LCORL: variants seen among roughly 807,000 people sequenced by gnomAD.
The protein encoded by LCORL is ligand-dependent nuclear receptor corepressor-like protein.
In LCORL, 41 loss-of-function variants were observed where a neutral mutation model predicts 141.8. The ratio of observed to expected loss-of-function variants is 0.29; its 90% CI spans 0.23 to 0.38. The LOEUF (loss-of-function observed/expected upper bound fraction) is 0.38, where lower values mean the gene tolerates loss of function less well. Ranked by LOEUF, LCORL falls within the 10% of genes least tolerant of loss-of-function variation. The probability of loss-of-function intolerance (pLI) is 1.00; values close to 1 mark genes in which losing one functional copy is unlikely to be tolerated. For missense variants in LCORL, 1,759 were observed against 2,035.0 expected, an observed-to-expected ratio of 0.86 and a Z score of 2.61; for synonymous variants, 618 against 694.1, an observed-to-expected ratio of 0.89 and a Z score of 1.72.
intron 1 of LCORL, among the ~76,000 whole-genome samples, chr4:17,990,987 A>T (rs1719917623): frequency 6.6e-6 from 1 of 152,244 alleles, no homozygotes; most frequent in Non-Finnish European, 1.5e-5. Context: ...CTACCTTCAA[A>T]AAAATAAAAA....
At chr4:18,009,798 C>G (rs941168850) in intron 1 of LCORL, among the ~76,000 whole-genome samples, 1 of 151,794 alleles carries the variant, frequency 6.6e-6, no homozygotes, top group Non-Finnish European at 1.5e-5. Flanking sequence ...CCTTAGCATG[C>G]CTTCCAATGG....
chr4:17,916,705 C>T (rs112105151), intron 4 of LCORL, among the ~76,000 whole-genome samples: 1,469 of 142,916 alleles, frequency 0.01, 16 homozygotes, highest in Non-Finnish European at 0.014. Flanking sequence ...AGTGCAGAGG[C>T]ATGATCTTGG....
intron 7 of LCORL, chr4:17,867,091 A>G (rs1725763909): frequency 1.8e-5 from 7 of 398,540 alleles, no homozygotes; most frequent in Non-Finnish European, 2.4e-5. Context: ...CCCCAGCACC[A>G]CTCTGCTGGA....
intron 4 of LCORL, among the ~76,000 whole-genome samples, chr4:17,939,699 A>C (rs1447650749): frequency 6.6e-6 from 1 of 152,074 alleles, no homozygotes; most frequent in Non-Finnish European, 1.5e-5. Flanking sequence ...TTTAAAAGCA[A>C]AGTAAGTTTA....
chr4:17,885,847 T>C (rs191964767), intron 6 of LCORL, among the ~76,000 whole-genome samples: 32 of 152,014 alleles, frequency 2.1e-4, no homozygotes, highest in Non-Finnish European at 3.1e-4. Context: ...TTTAGTAACA[T>C]GAACTAAAGT....
At chr4:17,956,459 C>A (rs892633637) in intron 4 of LCORL, among the ~76,000 whole-genome samples, 8 of 152,012 alleles carry the variant, frequency 5.3e-5, no homozygotes, top group Non-Finnish European at 1.2e-4. Context: ...TAATGGAATA[C>A]TATTCAGCCA....
At chr4:18,007,765 A>T (rs1193738953) in intron 1 of LCORL, among the ~76,000 whole-genome samples, 1 of 152,226 alleles carries the variant, frequency 6.6e-6, no homozygotes, top group South Asian at 2.1e-4. Flanking sequence ...GTAGGTCAGC[A>T]GAAACTCACT....
intron 4 of LCORL, chr4:17,912,765 A>C (rs1386127887): frequency 1.4e-5 from 6 of 418,694 alleles, no homozygotes; most frequent in Non-Finnish European, 2.3e-5. Flanking sequence ...GCAAAGAGGC[A>C]GCACCAGGCC....
At chr4:17,849,932 G>C (rs1187962474) in intron 7 of LCORL, among the ~76,000 whole-genome samples, 4 of 151,510 alleles carry the variant, frequency 2.6e-5, no homozygotes, top group Admixed American at 1.3e-4. Flanking sequence ...CCAAAACAGA[G>C]ATATAGATCA....
At chr4:17,971,571 G>A (rs1243164672) in intron 2 of LCORL, among the ~76,000 whole-genome samples, 1 of 151,148 alleles carries the variant, frequency 6.6e-6, no homozygotes, top group Admixed American at 6.6e-5. Context: ...ATACAGTGTA[G>A]TTATGTGTTT....
At chr4:18,013,351 C>T (rs558223437) in intron 1 of LCORL, among the ~76,000 whole-genome samples, 34 of 152,298 alleles carry the variant, frequency 2.2e-4, no homozygotes, top group Admixed American at 5.9e-4. Context: ...GATATACTGT[C>T]CCCTATTCCT....
intron 4 of LCORL, among the ~76,000 whole-genome samples, chr4:17,913,213 C>T (rs774637144): frequency 2.0e-5 from 3 of 152,162 alleles, no homozygotes; most frequent in Non-Finnish European, 4.4e-5. Flanking sequence ...TCTTGACGGA[C>T]GTTAGCTTAC....
At position 18,021,809 on chromosome 4, in the gene LCORL, G is replaced by A. The variant is rs1398480248; in HGVS notation, c.-58C>T. On this transcript the variant is annotated 5_prime_UTR_variant, in exon 1 of 8. Transcript: ENST00000635767. The surrounding 1 kb of genome is among the most constrained non-coding windows in gnomAD (Gnocchi z 5.5). ...ACGAGCAGCGCAGGCACGAGGCAGG[G>A]GCGCGAGCCCTCGGCGCGAGCCCCG... The A allele has an allele frequency of 1.5e-6, 2 of 1,313,716 alleles. No individual in the cohort carries two copies. Among genetic ancestry groups the A allele is most frequent in the East Asian group, 2.9e-5 (1 of 34,716 alleles). The allele number at this position is 1,313,716 out of a possible 1,614,324, so 81.4% of individuals were successfully genotyped here.
At chr4:17,956,840 A>C in intron 4 of LCORL, among the ~76,000 whole-genome samples, 1 of 152,122 alleles carries the variant, frequency 6.6e-6, no homozygotes, top group Non-Finnish European at 1.5e-5. Context: ...GATATTCTAA[A>C]TACCCCAATT....
intron 1 of LCORL, among the ~76,000 whole-genome samples, chr4:17,975,541 C>A (rs912628697): frequency 6.6e-6 from 1 of 152,020 alleles, no homozygotes; most frequent in Non-Finnish European, 1.5e-5. Context: ...GGACTAAAGG[C>A]ACATGCCATC....
chr4:17,964,862 T>C (rs1714556716), intron 2 of LCORL, among the ~76,000 whole-genome samples: 1 of 138,072 alleles, frequency 7.2e-6, no homozygotes, highest in African/African-American at 3.1e-5. Context: ...GAAATCTTAC[T>C]GCCCTTTTTT....
intron 1 of LCORL, among the ~76,000 whole-genome samples, chr4:18,010,377 C>T (rs1385222269): frequency 6.7e-6 from 1 of 148,584 alleles, no homozygotes; most frequent in African/African-American, 2.6e-5. Context: ...TGTATGGGTA[C>T]ATATATATAT....
chr4:17,976,013 A>G (rs954263242), intron 1 of LCORL, among the ~76,000 whole-genome samples: 2 of 152,046 alleles, frequency 1.3e-5, no homozygotes, highest in Non-Finnish European at 2.9e-5. Context: ...TTGTGAATTG[A>G]TATCATCATT....
chr4:17,903,095 C>A (rs1472687046), intron 5 of LCORL, among the ~76,000 whole-genome samples: 1 of 152,022 alleles, frequency 6.6e-6, no homozygotes, highest in African/African-American at 2.4e-5. Flanking sequence ...CAAGTCTCAA[C>A]TCTCATTTTA....
Sources: gnomAD v4.1 joint callset for allele counts (sites outside exome capture counted in the v4.1 genomes callset) on GRCh38, gnomAD v4.1.1 for gene constraint, Gnocchi (gnomAD v3.1) non-coding constraint, MANE v1.5 for transcripts, NCBI Gene and HGNC (gene_info 2026-07-23, HGNC 2026-07-21) for gene names.